Variants in ADGRB3 observed in about 807,000 individuals in gnomAD.
ADGRB3 encodes the protein brain-specific angiogenesis inhibitor 3.
ADGRB3 carries 37 observed loss-of-function variants against 193.4 expected under a neutral mutation model. The observed-to-expected ratio is 0.19, with a 90% confidence interval of 0.15 to 0.25. The LOEUF is 0.25. Among genes scored for constraint, ADGRB3 ranks in the 10% least tolerant of loss-of-function variants. ADGRB3 has a pLI of 1.00. For synonymous variants in ADGRB3, 690 were observed against 644.2 expected (o/e 1.07, Z -1.08); for missense variants, 1,637 against 1,852.9 (o/e 0.88, Z 2.14).
chr6:68,809,645 T>G (rs1239638709), intron 3 of ADGRB3, among the ~76,000 whole-genome samples: 2 of 152,200 alleles, frequency 1.3e-5, no homozygotes, highest in Non-Finnish European at 2.9e-5. Flanking sequence ...AGACATGAGT[T>G]CACAATCCCC....
intron 6 of ADGRB3, among the ~76,000 whole-genome samples, chr6:68,955,115 A>AGTAAG (rs770708767): frequency 2.2e-4 from 34 of 152,276 alleles, no homozygotes; most frequent in Non-Finnish European, 4.7e-4. Context: ...ACCTTCATCC[A>AGTAAG]GTTCCTGGAA....
intron 3 of ADGRB3, among the ~76,000 whole-genome samples, chr6:68,701,611 A>G (rs1375934924): frequency 2.6e-5 from 4 of 152,208 alleles, no homozygotes; most frequent in Admixed American, 1.3e-4. Flanking sequence ...TGTCAGATTC[A>G]TAGAGCAGCT....
At chr6:69,176,673 A>AT (rs1269806002) in intron 17 of ADGRB3, among the ~76,000 whole-genome samples, 4 of 151,988 alleles carry the variant, frequency 2.6e-5, no homozygotes, top group African/African-American at 9.7e-5. Context: ...TTCCTCCTTG[A>AT]TTTTTTGCAA....
chr6:69,270,009 C>T (rs1449387669), intron 20 of ADGRB3, among the ~76,000 whole-genome samples: 3 of 152,058 alleles, frequency 2.0e-5, no homozygotes, highest in Non-Finnish European at 4.4e-5. Flanking sequence ...GTATAAAGTA[C>T]AATGTTTCTC....
intron 17 of ADGRB3, among the ~76,000 whole-genome samples, chr6:69,120,180 T>C (rs9346262): frequency 0.64 from 97,085 of 152,096 alleles, 32,237 homozygotes; most frequent in East Asian, 0.95. Flanking sequence ...GGAATGGGAG[T>C]TCTGCATCGC....
At chr6:68,800,156 T>G (rs1767284735) in intron 3 of ADGRB3, among the ~76,000 whole-genome samples, 1 of 151,684 alleles carries the variant, frequency 6.6e-6, no homozygotes, top group African/African-American at 2.4e-5. Flanking sequence ...AATTGAAGAG[T>G]GGTTAAATTC....
intron 3 of ADGRB3, among the ~76,000 whole-genome samples, chr6:68,678,774 A>T (rs190422123): frequency 6.6e-6 from 1 of 152,286 alleles, no homozygotes; most frequent in Non-Finnish European, 1.5e-5. Flanking sequence ...GATTGATCGT[A>T]TTGTTATAAA....
intron 20 of ADGRB3, among the ~76,000 whole-genome samples, chr6:69,315,701 T>C (rs1335222346): frequency 1.3e-5 from 2 of 151,604 alleles, no homozygotes; most frequent in African/African-American, 2.4e-5. Context: ...ATATTGTAAA[T>C]GCCTTGTACA....
intron 20 of ADGRB3, among the ~76,000 whole-genome samples, chr6:69,262,949 A>G (rs1766960801): frequency 6.6e-6 from 1 of 151,950 alleles, no homozygotes. Flanking sequence ...CCTTACATAT[A>G]GCGTTTTCTA....
At chr6:68,835,112 A>T (rs2127385222) in intron 3 of ADGRB3, among the ~76,000 whole-genome samples, 1 of 152,322 alleles carries the variant, frequency 6.6e-6, no homozygotes, top group South Asian at 2.1e-4. Flanking sequence ...GTTTCAGAAC[A>T]CATTAAACTT....
At chr6:69,273,292 A>C (rs978343531) in intron 20 of ADGRB3, among the ~76,000 whole-genome samples, 12 of 152,188 alleles carry the variant, frequency 7.9e-5, no homozygotes, top group Non-Finnish European at 1.6e-4. Context: ...ACTGTTTGCA[A>C]ATGGGAAGGC....
chr6:68,782,441 A>G (rs1766874416), intron 3 of ADGRB3, among the ~76,000 whole-genome samples: 1 of 151,980 alleles, frequency 6.6e-6, no homozygotes, highest in Non-Finnish European at 1.5e-5. Flanking sequence ...ATACATGTGC[A>G]TGTGTCTTTA....
At chr6:69,099,420 A>G (rs904192870) in intron 17 of ADGRB3, among the ~76,000 whole-genome samples, 3 of 152,108 alleles carry the variant, frequency 2.0e-5, no homozygotes, top group African/African-American at 7.2e-5. Flanking sequence ...TAATTTCCTT[A>G]TATGTATGAC....
At chr6:68,771,288 T>C (rs1033254992) in intron 3 of ADGRB3, among the ~76,000 whole-genome samples, 2 of 151,910 alleles carry the variant, frequency 1.3e-5, no homozygotes, top group Non-Finnish European at 2.9e-5. Context: ...ATAATAAAAA[T>C]TGAAGACCCA....
At chr6:69,385,977 A>T (rs1434270991) in intron 31 of ADGRB3, among the ~76,000 whole-genome samples, 1 of 152,072 alleles carries the variant, frequency 6.6e-6, no homozygotes, top group East Asian at 1.9e-4. Flanking sequence ...TTCTGAGTGC[A>T]GTAGTTTTTT....
chr6:69,059,723 A>G (rs1434990097), intron 15 of ADGRB3, among the ~76,000 whole-genome samples: 1 of 152,162 alleles, frequency 6.6e-6, no homozygotes, highest in Non-Finnish European at 1.5e-5. Context: ...TTGATGGAAT[A>G]AATTAAAGAC....
At chr6:69,120,618 T>G (rs1773654354) in intron 17 of ADGRB3, among the ~76,000 whole-genome samples, 2 of 152,236 alleles carry the variant, frequency 1.3e-5, no homozygotes, top group African/African-American at 4.8e-5. Context: ...TTAATAGCCT[T>G]GTGCAAATTA....
chr6:69,335,270 G>A (rs540449791), intron 24 of ADGRB3, among the ~76,000 whole-genome samples: 1 of 152,158 alleles, frequency 6.6e-6, no homozygotes, highest in Non-Finnish European at 1.5e-5. Flanking sequence ...AATGACAATA[G>A]TGTCTTATTA....
intron 31 of ADGRB3, among the ~76,000 whole-genome samples, chr6:69,387,053 G>A (rs904144582): frequency 6.6e-6 from 1 of 152,028 alleles, no homozygotes; most frequent in Non-Finnish European, 1.5e-5. Context: ...CACACGTTCT[G>A]CCAACTCCTT....
Sources: allele counts gnomAD v4.1 joint callset (sites outside exome capture counted in the v4.1 genomes callset), GRCh38; gene constraint gnomAD v4.1.1; transcripts MANE v1.5; gene names NCBI Gene and HGNC (gene_info 2026-07-23, HGNC 2026-07-21).